Variants in SYT1 observed in about 807,000 individuals in gnomAD.
SYT1 encodes synaptotagmin 1.
In SYT1, 8 loss-of-function variants were observed where a neutral mutation model predicts 44.8. That is an observed-to-expected ratio of 0.18 (90% CI 0.10 to 0.32). The LOEUF is 0.32. SYT1 is among the 10% of genes least tolerant of loss of function. The pLI is 1.00. For synonymous variants in SYT1, 154 were observed against 188.8 expected (o/e 0.82, Z 1.51); for missense variants, 286 against 509.3 (o/e 0.56, Z 4.22).
At chr12:79,388,353 A>G (rs1032367610) in intron 9 of SYT1, among the ~76,000 whole-genome samples, 3 of 152,092 alleles carry the variant, frequency 2.0e-5, no homozygotes, top group African/African-American at 4.8e-5. Flanking sequence ...AAGGGGGAAA[A>G]GTCTGCTAAT....
chr12:79,405,558 C>G (rs1169608885), intron 9 of SYT1, among the ~76,000 whole-genome samples: 2 of 152,104 alleles, frequency 1.3e-5, no homozygotes, highest in Non-Finnish European at 2.9e-5. Flanking sequence ...CACAAACAAT[C>G]ATAGACCCCT....
chr12:79,403,621 C>T (rs1179382690), intron 9 of SYT1, among the ~76,000 whole-genome samples: 3 of 151,938 alleles, frequency 2.0e-5, no homozygotes, highest in Non-Finnish European at 2.9e-5. Flanking sequence ...CATAAAATAC[C>T]TCAGTGGGTT....
At chr12:79,240,143 TC>T (rs1359092424) in intron 4 of SYT1, among the ~76,000 whole-genome samples, 1 of 151,980 alleles carries the variant, frequency 6.6e-6, no homozygotes, top group African/African-American at 2.4e-5. Context: ...GAGGGTAGAG[TC>T]TTGAAAACCA....
chr12:78,946,592 C>A (rs752483263), intron 1 of SYT1, among the ~76,000 whole-genome samples: 1 of 151,786 alleles, frequency 6.6e-6, no homozygotes, highest in African/African-American at 2.4e-5. Context: ...GAGGCAGAGG[C>A]AGGAGAATCG....
chr12:79,071,310 A>G (rs1196049418), intron 3 of SYT1, among the ~76,000 whole-genome samples: 1 of 152,142 alleles, frequency 6.6e-6, no homozygotes, highest in Non-Finnish European at 1.5e-5. Flanking sequence ...AGACACTATT[A>G]TGAGTTCTGA....
chr12:79,113,564 AC>A (rs1278533884), intron 3 of SYT1, among the ~76,000 whole-genome samples: 17 of 152,122 alleles, frequency 1.1e-4, no homozygotes, highest in African/African-American at 3.1e-4. Flanking sequence ...TTAAAGTCTA[AC>A]ATGTGCTACC....
chr12:79,198,678 TA>T (rs1262951167), intron 3 of SYT1, among the ~76,000 whole-genome samples: 1 of 152,154 alleles, frequency 6.6e-6, no homozygotes, highest in Non-Finnish European at 1.5e-5. Context: ...TGCAGTAGCA[TA>T]AATGCCTATG....
intron 4 of SYT1, among the ~76,000 whole-genome samples, chr12:79,268,998 G>A (rs539846307): frequency 8.5e-5 from 13 of 152,208 alleles, no homozygotes; most frequent in East Asian, 1.9e-4. Flanking sequence ...TATTTTCACC[G>A]TGGAGCAAGA....
At chr12:79,323,430 A>G (rs1434796379) in intron 8 of SYT1, among the ~76,000 whole-genome samples, 2 of 152,246 alleles carry the variant, frequency 1.3e-5, no homozygotes, top group East Asian at 3.8e-4. Flanking sequence ...AACACAAACA[A>G]CAGTCATAAG....
intron 1 of SYT1, among the ~76,000 whole-genome samples, chr12:78,965,985 G>A (rs989955821): frequency 2.3e-4 from 35 of 151,516 alleles, no homozygotes; most frequent in Non-Finnish European, 8.8e-5. Flanking sequence ...GCTGAGGCAG[G>A]AGAATCGCTT....
intron 8 of SYT1, among the ~76,000 whole-genome samples, chr12:79,351,074 G>C (rs549827063): frequency 1.3e-5 from 2 of 152,156 alleles, no homozygotes; most frequent in Non-Finnish European, 2.9e-5. Context: ...TGAAGCAAAT[G>C]TAGATCTGTA....
intron 3 of SYT1, among the ~76,000 whole-genome samples, chr12:79,095,903 T>C (rs1305590215): frequency 6.6e-6 from 1 of 151,920 alleles, no homozygotes; most frequent in Non-Finnish European, 1.5e-5. Context: ...ATTTATTATA[T>C]GCACATGAGC....
At position 79,242,870 on chromosome 12, in the gene SYT1, T is replaced by C. The variant is rs150062285; in HGVS notation, c.166+25185T>C. ...GTACCTTGCTGCTTTTTTCCTAAAA[T>C]GGTGTATTAGTCATTTTTATACTGC... On this transcript the variant is annotated intron_variant, in intron 4 of 10. Transcript: ENST00000261205. Among the ~76,000 whole-genome samples the C allele has an allele frequency of 1.3e-3, 200 of 152,332 alleles. 1 individual carries two copies. Among genetic ancestry groups the C allele is most frequent in the Non-Finnish European group, 2.2e-3 (151 of 68,022 alleles).
intron 10 of SYT1, 26 bp from the exon 11 acceptor site, chr12:79,448,892 C>A (rs777075272): frequency 6.2e-7 from 1 of 1,609,282 alleles, no homozygotes; most frequent in African/African-American, 1.3e-5. Flanking sequence ...CTAGATGATT[C>A]ATATTCATTT....
At chr12:79,096,029 AG>A (rs1402194889) in intron 3 of SYT1, among the ~76,000 whole-genome samples, 4 of 151,834 alleles carry the variant, frequency 2.6e-5, no homozygotes, top group Non-Finnish European at 2.9e-5. Context: ...AGGTTATGGG[AG>A]GATGAGGGGA....
In SYT1 at chr12:79,449,439, T is replaced by TTGTA. The variant is rs1297585563; in HGVS notation, c.*319_*322dup. Reference sequence around the variant, plus strand: ...AAAGATTTATTTCTAGTTTGTGTATTTGTATGTTGTAAGCGTTTCCTAATC... The same window carrying TTGTA: ...AAAGATTTATTTCTAGTTTGTGTATTTGTATGTATGTTGTAAGCGTTTCCTAATC... On this transcript the variant is annotated 3_prime_UTR_variant, in exon 11 of 11. Coordinates refer to ENST00000261205, the MANE Select transcript of SYT1 (RefSeq NM_005639.3). 3.4e-6 allele frequency: 1 copy of TTGTA among 295,210 alleles called. No individual in the cohort carries two copies. The highest frequency in any genetic ancestry group is 2.2e-5 in the African/African-American group (1 of 45,790). 18.3% of individuals were successfully genotyped at this position (295,210 alleles called of 1,614,324 possible). A position where few individuals can be genotyped will look rare whatever the true frequency, so the allele number is the denominator to read the frequency against.
chr12:79,088,159 T>C (rs1445174315), intron 3 of SYT1, among the ~76,000 whole-genome samples: 2 of 152,198 alleles, frequency 1.3e-5, no homozygotes, highest in African/African-American at 4.8e-5. Context: ...ATCAGGGTTA[T>C]ATAAGCCAGT....
At chr12:79,062,844 C>T (rs1875492567) in intron 3 of SYT1, among the ~76,000 whole-genome samples, 1 of 152,068 alleles carries the variant, frequency 6.6e-6, no homozygotes, top group Non-Finnish European at 1.5e-5. Flanking sequence ...TACCATCTGC[C>T]AAGATCTGTG....
chr12:79,046,025 A>G (rs991714411), intron 2 of SYT1, among the ~76,000 whole-genome samples: 1 of 152,224 alleles, frequency 6.6e-6, no homozygotes, highest in Non-Finnish European at 1.5e-5. Context: ...TACTAAAACT[A>G]TACAAAGCAT....
Sources: gnomAD v4.1 joint callset for allele counts (sites outside exome capture counted in the v4.1 genomes callset) on GRCh38, gnomAD v4.1.1 for gene constraint, MANE v1.5 for transcripts, NCBI Gene and HGNC (gene_info 2026-07-23, HGNC 2026-07-21) for gene names.